The following ECHS1 variants were observed in gnomAD, a reference collection of about 807,000 sequenced individuals.
ECHS1 encodes enoyl-CoA hydratase, short chain 1.
In ECHS1, 19 loss-of-function variants were observed where a neutral mutation model predicts 33.5. The ratio of observed to expected loss-of-function variants is 0.57; its 90% CI spans 0.40 to 0.83. The LOEUF (loss-of-function observed/expected upper bound fraction) is 0.83. Among genes scored for constraint, ECHS1 ranks in the 40% least tolerant of loss-of-function variants. The pLI is 0.00. For synonymous variants in ECHS1, 158 were observed against 146.6 expected, an observed-to-expected ratio of 1.08 and a Z score of -0.56; for missense variants, 365 against 381.3, an observed-to-expected ratio of 0.96 and a Z score of 0.36.
At chr10:133,365,938 C>T (rs200304355) in intron 6 of ECHS1, 38 bp downstream of exon 6, 102 of 1,609,812 alleles carry the variant, frequency 6.3e-5, no homozygotes, top group African/African-American at 4.7e-4. Flanking sequence ...CTGACAGCCA[C>T]GGAGACCTCT....
intron 4 of ECHS1, 97 bp downstream of exon 4, chr10:133,368,826 G>C (rs1050911326): frequency 5.4e-5 from 63 of 1,158,888 alleles, no homozygotes; most frequent in Non-Finnish European, 7.5e-5. Context: ...TGTCCATCCA[G>C]GGCCTCTGGT....
At chr10:133,369,856 C>CGT (rs771343423) in intron 3 of ECHS1, 48 bp downstream of exon 3, 4 of 1,607,444 alleles carry the variant, frequency 2.5e-6, no homozygotes, top group Middle Eastern at 2.0e-4. Context: ...ATGCACAGCA[C>CGT]GGTTCCTTCA....
intron 1 of ECHS1, 80 bp from the exon 2 acceptor site, chr10:133,370,837 T>C: frequency 1.4e-6 from 2 of 1,443,542 alleles, no homozygotes; most frequent in Non-Finnish European, 1.9e-6. Flanking sequence ...TGTGGCCCCA[T>C]CGGTGGATAC....
chr10:133,367,803 G>C (rs1462010401), intron 4 of ECHS1, among the ~76,000 whole-genome samples: 1 of 151,736 alleles, frequency 6.6e-6, no homozygotes, highest in East Asian at 1.9e-4. Context: ...TAAAGTCTTT[G>C]ATCTTTCTTG....
intron 6 of ECHS1, among the ~76,000 whole-genome samples, chr10:133,364,955 C>T (rs61290287): frequency 1.5e-4 from 23 of 152,256 alleles, no homozygotes; most frequent in African/African-American, 2.4e-4. Flanking sequence ...CGGTAGCCCA[C>T]GGCCCCAAGA....
chr10:133,370,633 C>T lies in ECHS1; in HGVS notation c.213G>A (p.Gln71=), dbSNP rs765131350. Residue 71 remains glutamine (Q), a synonymous_variant, in exon 2 of 8, where the codon CAG becomes CAA. Coordinates refer to ENST00000368547, the MANE Select transcript of ECHS1 (RefSeq NM_004092.4). ...GGTCCTCCTCGAAGGTCTTCAGGGC[C>T]TGGTTGAGCTCGTCAATCAGGCCAT... ...LCDGLIDELN[Q]ALKTFEEDPA... is the part of the protein sequence containing the mutation. The T allele has an allele frequency of 9.4e-5, 152 of 1,612,654 alleles. No individual in the cohort carries two copies. In the South Asian group the frequency reaches 1.6e-3, roughly 16 times the overall value.
chr10:133,372,646 G>A (rs1405896682), intron 1 of ECHS1, among the ~76,000 whole-genome samples: 2 of 151,114 alleles, frequency 1.3e-5, no homozygotes, highest in African/African-American at 2.4e-5. Flanking sequence ...GCAGGACGTG[G>A]CCTGGTGAGA....
intron 5 of ECHS1, 60 bp from the exon 6 acceptor site, chr10:133,366,155 G>A: frequency 1.9e-6 from 3 of 1,577,964 alleles, no homozygotes; most frequent in Middle Eastern, 1.7e-4. Flanking sequence ...ATCCCTTCTC[G>A]AGTGAGTGGC....
chr10:133,372,407 G>A (rs574583944), intron 1 of ECHS1, among the ~76,000 whole-genome samples: 111 of 152,356 alleles, frequency 7.3e-4, no homozygotes, highest in African/African-American at 2.5e-3. Flanking sequence ...TGTGGCTGGG[G>A]AGGAGGTGTC....
intron 1 of ECHS1, 56 bp from the exon 2 acceptor site, chr10:133,370,813 AGTGGGGGAAGG>A: frequency 6.5e-7 from 1 of 1,547,760 alleles, no homozygotes; most frequent in Non-Finnish European, 8.8e-7. Context: ...AACTGGGGAG[AGTGGGGGAAGG>A]GATGTGGCCC....
In ECHS1 at chr10:133,362,712, T is replaced by C. The variant is rs1460910023; in HGVS notation, c.*156A>G. ...ACAGGCTGGGTGACGAAGGCTGTCATGCCGTGAGAGGTCGGGCCACGACCA... is the reference window on the plus strand; with the variant it reads ...ACAGGCTGGGTGACGAAGGCTGTCACGCCGTGAGAGGTCGGGCCACGACCA... On this transcript the variant is annotated 3_prime_UTR_variant, in exon 8 of 8. Transcript: ENST00000368547. 1.3e-6 allele frequency: 1 copy of C among 768,474 alleles called. No individual in the cohort carries two copies. Among genetic ancestry groups the C allele is most frequent in the South Asian group, 1.6e-5 (1 of 62,510 alleles). The allele number at this position is 768,474 out of a possible 1,614,324, so 47.6% of individuals were successfully genotyped here.
At position 133,368,779 on chromosome 10, in the gene ECHS1, G is replaced by A. The variant is rs1589881951; in HGVS notation, c.514+144C>T. On this transcript the variant is annotated intron_variant, in intron 4 of 7. Transcript: ENST00000368547. ...CTGTCACAACCACTCTAGCCTCCGT[G>A]GCTGTCCACAGAGGGACCACTGACC... 5.8e-6 allele frequency: 4 copies of A among 694,996 alleles called. No homozygotes were observed. The East Asian group carries it at 1.1e-4, about 19-fold the overall frequency. The allele number at this position is 694,996 out of a possible 1,614,324, so 43.1% of individuals were successfully genotyped here.
intron 7 of ECHS1, 112 bp from the exon 8 acceptor site, chr10:133,363,045 C>A: frequency 7.7e-7 from 1 of 1,303,504 alleles, no homozygotes; most frequent in Non-Finnish European, 1.1e-6. Context: ...TCACAGGGGC[C>A]CAGGGGGCCG....
At chr10:133,367,216 A>G (rs1310134002) in intron 4 of ECHS1, among the ~76,000 whole-genome samples, 1 of 152,224 alleles carries the variant, frequency 6.6e-6, no homozygotes, top group East Asian at 1.9e-4. Context: ...AGGATTACCT[A>G]GGTGCCGAGG....
intron 4 of ECHS1, 37 bp downstream of exon 4, chr10:133,368,886 C>T (rs372349775): frequency 1.3e-6 from 2 of 1,588,570 alleles, no homozygotes; most frequent in African/African-American, 2.7e-5. Context: ...GAGTAATTAC[C>T]TAAGGCATCT....
In ECHS1 at chr10:133,363,935, A is replaced by G. The variant is rs140234001; in HGVS notation, c.807+723T>C. ...AATAATTGGAATGATCTAAAAAAAC[A>G]TGGGTAAAATGAGTTACATTTTTTT... On this transcript the variant is annotated intron_variant, in intron 7 of 7. Coordinates refer to ENST00000368547, the MANE Select transcript of ECHS1 (RefSeq NM_004092.4). Among the ~76,000 whole-genome samples the G allele has an allele frequency of 8.2e-3, 1,244 of 152,146 alleles. 17 individuals are homozygous for G. The highest frequency in any genetic ancestry group is 0.028 in the African/African-American group (1,170 of 41,446).
rs781348310 is a variant in ECHS1 at position 133,368,909 on chromosome 10, G to C, written c.514+14C>G. On this transcript the variant is annotated intron_variant, in intron 4 of 7. Coordinates refer to ENST00000368547, the MANE Select transcript of ECHS1 (RefSeq NM_004092.4). ...ACCTAAGGCATCTATGCCAGAGACA[G>C]TGTCACTCTTTACCTGGGATGGTTC... 3 of 1,610,304 alleles carry C rather than the reference G, an allele frequency of 1.9e-6. No homozygotes were observed. Among genetic ancestry groups the C allele is most frequent in the East Asian group, 2.2e-5 (1 of 44,846 alleles).
Position 133,364,713 on chromosome 10 carries a change from G to A in ECHS1, c.752C>T (p.Thr251Ile). 2 of 1,613,582 alleles carry A rather than the reference G, an allele frequency of 1.2e-6. No homozygotes were observed. Among genetic ancestry groups the A allele is most frequent in the Non-Finnish European group, 1.7e-6 (2 of 1,179,584 alleles). ...CTCCAACTTACTTCCTTCTGTTAAT[G>A]TCATTTCAAAAGCTGAAAAACAAAG... ...KESVNAAFEMTLTEGSKLEKK... is the reference protein window; with the variant it reads ...KESVNAAFEMILTEGSKLEKK... The change falls in exon 7 of 8, where the codon ACA becomes ATA. Residue 251 changes from threonine to isoleucine, a missense_variant. Transcript: ENST00000368547.
In ECHS1 at chr10:133,362,733, G is replaced by A. The variant is rs183588815; in HGVS notation, c.*135C>T. Reference sequence around the variant, plus strand: ...GTCATGCCGTGAGAGGTCGGGCCACGACCACGCAGCAATTGGAGAGGAACT... The same window carrying A: ...GTCATGCCGTGAGAGGTCGGGCCACAACCACGCAGCAATTGGAGAGGAACT... On this transcript the variant is annotated 3_prime_UTR_variant, in exon 8 of 8. Coordinates refer to ENST00000368547, the MANE Select transcript of ECHS1 (RefSeq NM_004092.4). The A allele has an allele frequency of 8.3e-5, 84 of 1,015,050 alleles. No individual in the cohort carries two copies. Among genetic ancestry groups the A allele is most frequent in the Admixed American group, 7.0e-4 (38 of 54,244 alleles). 62.9% of individuals were successfully genotyped at this position (1,015,050 alleles called of 1,614,324 possible).
Sources: allele counts gnomAD v4.1 joint callset (sites outside exome capture counted in the v4.1 genomes callset), GRCh38; gene constraint gnomAD v4.1.1; transcripts MANE v1.5; gene names NCBI Gene and HGNC (gene_info 2026-07-23, HGNC 2026-07-21).